Variants in RDX observed in about 807,000 individuals in gnomAD.
The protein encoded by RDX is radixin, also known as deafness, autosomal recessive 24.
A neutral mutation model predicts 83.7 loss-of-function variants in RDX; 32 were observed. The observed-to-expected ratio is 0.38, with a 90% CI of 0.29 to 0.51. The LOEUF is 0.51. RDX is among the 20% of genes least tolerant of loss of function. The probability of loss-of-function intolerance (pLI) is 0.87; values close to 1 mark genes in which losing one functional copy is unlikely to be tolerated. For synonymous variants in RDX, 229 were observed against 222.7 expected (o/e 1.03, Z -0.25); for missense variants, 600 against 689.9 (o/e 0.87, Z 1.46).
chr11:110,234,135 CT>C (rs1362263425), intron 12 of RDX, among the ~76,000 whole-genome samples: 12 of 152,154 alleles, frequency 7.9e-5, no homozygotes, highest in African/African-American at 2.9e-4. Context: ...ATATGGAAGT[CT>C]CACCTTTGAT....
At chr11:110,235,535 A>G (rs1038802741) in intron 12 of RDX, among the ~76,000 whole-genome samples, 8 of 152,200 alleles carry the variant, frequency 5.3e-5, no homozygotes, top group African/African-American at 1.4e-4. Context: ...TTATAAAATC[A>G]TATCTGATCA....
intron 14 of RDX, among the ~76,000 whole-genome samples, chr11:110,222,028 T>A (rs1472749259): frequency 1.3e-5 from 2 of 152,328 alleles, no homozygotes; most frequent in East Asian, 3.8e-4. Flanking sequence ...TGTCTATATA[T>A]GTCTTATTTC....
At chr11:110,281,908 C>T (rs1337465293) in intron 1 of RDX, among the ~76,000 whole-genome samples, 1 of 142,902 alleles carries the variant, frequency 7.0e-6, no homozygotes, top group Admixed American at 7.2e-5. Flanking sequence ...TGAGACCAGC[C>T]TAGGCAACAT....
rs1555033336 is a variant in RDX at position 110,215,045 on chromosome 11, A to ATATATAT, written c.1749-15368_1749-15367insATATATA. Among the ~76,000 whole-genome samples the ATATATAT allele has an allele frequency of 4.4e-5, 4 of 91,770 alleles. No individual in the cohort carries two copies. The South Asian group carries it at 1.2e-3, about 28-fold the overall frequency. 60.2% of individuals were successfully genotyped at this position (91,770 alleles called of 152,430 possible). ...CATTTAGGAGACCTAACAAAAAAAA[A>ATATATAT]AAAAATATATATATATATATATATA... On this transcript the variant is annotated intron_variant, in intron 14 of 15. Coordinates refer to the RDX transcript ENST00000528498.
At chr11:110,184,106 G>A (rs1862939395) in intron 15 of RDX, among the ~76,000 whole-genome samples, 1 of 152,198 alleles carries the variant, frequency 6.6e-6, no homozygotes, top group Non-Finnish European at 1.5e-5. Flanking sequence ...ACAGGAGGGA[G>A]AGGGAGCACG....
chr11:110,272,482 C>A lies in RDX; in HGVS notation c.96+54G>T, dbSNP rs1003948945. ...ACAGAAAAACAGAGAAAGAGGTATGCAACAACATTCACACTATGGTGTCAA... is the reference window on the plus strand; with the variant it reads ...ACAGAAAAACAGAGAAAGAGGTATGAAACAACATTCACACTATGGTGTCAA... On this transcript the variant is annotated intron_variant, in intron 3 of 13. Coordinates refer to ENST00000645495, the MANE Select transcript of RDX (RefSeq NM_002906.4). 9.7e-6 allele frequency: 11 copies of A among 1,133,238 alleles called. No homozygotes were observed. The African/African-American group carries it at 1.7e-4, about 17-fold the overall frequency. 70.2% of individuals were successfully genotyped at this position (1,133,238 alleles called of 1,614,324 possible). A position where few individuals can be genotyped will look rare whatever the true frequency, so the allele number is the denominator to read the frequency against.
chr11:110,284,059 T>C (rs73555802), intron 1 of RDX, among the ~76,000 whole-genome samples: 2,013 of 152,286 alleles, frequency 0.013, 38 homozygotes, highest in African/African-American at 0.046. Flanking sequence ...ACCAATGATA[T>C]ACTCATTAAA....
intron 6 of RDX, 65 bp downstream of exon 6, chr11:110,258,037 TAATA>T: frequency 4.1e-6 from 6 of 1,463,738 alleles, no homozygotes; most frequent in Non-Finnish European, 5.7e-6. Flanking sequence ...AATAATGTAA[TAATA>T]AATGTTACGA....
intron 10 of RDX, among the ~76,000 whole-genome samples, chr11:110,239,185 G>A (rs567633351): frequency 8.7e-4 from 129 of 147,974 alleles, no homozygotes; most frequent in Middle Eastern, 7.0e-3. Flanking sequence ...ATCTGAAAAA[G>A]AAACCAAGAA....
intron 2 of RDX, among the ~76,000 whole-genome samples, chr11:110,274,837 C>T (rs888490091): frequency 5.3e-5 from 8 of 152,310 alleles, no homozygotes; most frequent in Admixed American, 1.3e-4. Flanking sequence ...TCAATGAACA[C>T]TGTTTCCAAT....
At chr11:110,210,795 A>AT (rs1452887568) in intron 14 of RDX, among the ~76,000 whole-genome samples, 1 of 152,156 alleles carries the variant, frequency 6.6e-6, no homozygotes, top group Non-Finnish European at 1.5e-5. Context: ...ATGCTGAGAG[A>AT]TTTTGTCACC....
At chr11:110,240,614 G>A (rs1284716519) in intron 10 of RDX, among the ~76,000 whole-genome samples, 1 of 151,580 alleles carries the variant, frequency 6.6e-6, no homozygotes, top group Non-Finnish European at 1.5e-5. Flanking sequence ...GCGTGGTAGC[G>A]GGCGCCTGTA....
chr11:110,216,889 T>C (rs1864074653), intron 14 of RDX, among the ~76,000 whole-genome samples: 1 of 152,174 alleles, frequency 6.6e-6, no homozygotes, highest in African/African-American at 2.4e-5. Flanking sequence ...TATTTGAATG[T>C]TTTTCCTCTA....
At chr11:110,236,223 A>G in intron 11 of RDX, 32 bp from the exon 12 acceptor site, 1 of 1,513,604 alleles carries the variant, frequency 6.6e-7, no homozygotes, top group Non-Finnish European at 9.2e-7. Flanking sequence ...CAAAATTAAA[A>G]TAACATATTT....
intron 15 of RDX, among the ~76,000 whole-genome samples, chr11:110,198,139 T>A (rs1052884703): frequency 2.0e-5 from 3 of 152,154 alleles, no homozygotes; most frequent in Non-Finnish European, 4.4e-5. Context: ...TTAAATATTA[T>A]CTCAAATATA....
chr11:110,201,383 G>A lies in RDX; in HGVS notation c.1749-1705C>T, dbSNP rs574869584. On this transcript the variant is annotated intron_variant, in intron 14 of 15. Transcript: ENST00000528498. ...AATTTAGGAGAGCATGAGAAAGGAG[G>A]ATTTGGGAGTAAAGTTAATAGATGA... Among the ~76,000 whole-genome samples, 31 of 152,172 alleles carry A rather than the reference G, an allele frequency of 2.0e-4. 1 individual carries two copies. In the South Asian group the frequency reaches 5.0e-3, roughly 24 times the overall value.
At chr11:110,243,389 G>C (rs917580756) in intron 10 of RDX, among the ~76,000 whole-genome samples, 2 of 152,088 alleles carry the variant, frequency 1.3e-5, no homozygotes, top group Non-Finnish European at 2.9e-5. Flanking sequence ...AGGACATAGA[G>C]CAAATGTACT....
At chr11:110,253,572 TC>T (rs1350946770) in intron 9 of RDX, among the ~76,000 whole-genome samples, 2 of 152,182 alleles carry the variant, frequency 1.3e-5, no homozygotes, top group African/African-American at 4.8e-5. Context: ...TCAGTTGTGT[TC>T]TACAATGTCA....
chr11:110,251,253 C>CA (rs1859328144), intron 9 of RDX, among the ~76,000 whole-genome samples: 1 of 152,186 alleles, frequency 6.6e-6, no homozygotes, highest in Admixed American at 6.5e-5. Flanking sequence ...TATTAATATG[C>CA]AAAAAATTAC....
Sources: gnomAD v4.1 joint callset for allele counts (sites outside exome capture counted in the v4.1 genomes callset) on GRCh38, gnomAD v4.1.1 for gene constraint, MANE v1.5 for transcripts, NCBI Gene and HGNC (gene_info 2026-07-23, HGNC 2026-07-21) for gene names.